Variants in CLIP1 observed in about 807,000 individuals in gnomAD.
CLIP1 encodes the protein CAP-Gly domain containing linker protein 1.
Under a neutral mutation model 161.6 loss-of-function variants are expected in CLIP1, and 66 were observed. That is an observed-to-expected ratio of 0.41 (90% CI 0.33 to 0.50). CLIP1 has a LOEUF of 0.50. Among genes scored for constraint, CLIP1 ranks in the 20% least tolerant of loss-of-function variants. The pLI is 0.27. For missense variants in CLIP1, 1,376 were observed against 1,702.0 expected, an observed-to-expected ratio of 0.81 and a Z score of 3.37; for synonymous variants, 598 against 626.2, an observed-to-expected ratio of 0.96 and a Z score of 0.67.
chr12:122,302,886 C>T (rs1593018572), intron 20 of CLIP1, among the ~76,000 whole-genome samples: 2 of 152,124 alleles, frequency 1.3e-5, no homozygotes, highest in African/African-American at 4.8e-5. Flanking sequence ...CTTGAGCCAC[C>T]GTGCCCAGCC....
intron 1 of CLIP1, among the ~76,000 whole-genome samples, chr12:122,408,836 T>C (rs1956422576): frequency 6.6e-6 from 1 of 152,060 alleles, no homozygotes; most frequent in South Asian, 2.1e-4. Context: ...TTATTATTTT[T>C]TTGAGATGGA....
chr12:122,341,668 T>A lies in CLIP1; in HGVS notation c.1536A>T (p.Ile512=), dbSNP rs768469663. 1.3e-6 allele frequency: 2 copies of A among 1,589,236 alleles called. No homozygotes were observed. Among genetic ancestry groups the A allele is most frequent in the Non-Finnish European group, 1.7e-6 (2 of 1,167,574 alleles). The change falls in exon 11 of 26, where the codon ATA becomes ATT. Residue 512 remains isoleucine, a synonymous_variant. Transcript: ENST00000620786. Reference sequence around the variant, plus strand: ...ATGCTAGGTCTTTCTCCAGTTCCATTATACGTGACTTTTCTGAAACTGTAG... The same window carrying A: ...ATGCTAGGTCTTTCTCCAGTTCCATAATACGTGACTTTTCTGAAACTGTAG... The part of the protein sequence containing the change: ...RVATVSEKSR[I]MELEKDLALR...
intron 17 of CLIP1, among the ~76,000 whole-genome samples, chr12:122,327,590 T>C (rs141346496): frequency 4.3e-4 from 66 of 151,830 alleles, no homozygotes; most frequent in African/African-American, 1.5e-3. Context: ...CTCCAAACCC[T>C]AGTGCAAGGC....
At position 122,366,566 on chromosome 12, in the gene CLIP1, T is replaced by A. The variant is rs1361163488; in HGVS notation, c.658-2459A>T. Reference sequence around the variant, plus strand: ...TTAAAATTATCCTTCCTAGGCTGGGTGCGGTGGCTCAGGTCTGTAATTCCA... The same window carrying A: ...TTAAAATTATCCTTCCTAGGCTGGGAGCGGTGGCTCAGGTCTGTAATTCCA... On this transcript the variant is annotated intron_variant, in intron 3 of 25. Transcript: ENST00000620786. 2.0e-5 allele frequency among the ~76,000 whole-genome samples: 3 copies of A among 152,250 alleles called. No homozygotes were observed. In the East Asian group the frequency reaches 5.8e-4, roughly 29 times the overall value.
At chr12:122,380,323 G>T in intron 2 of CLIP1, 45 bp downstream of exon 2, 1 of 1,145,808 alleles carries the variant, frequency 8.7e-7, no homozygotes, top group Non-Finnish European at 1.3e-6. Flanking sequence ...AAAGCAAATT[G>T]AAGTCTCCAT....
At chr12:122,285,865 T>TA (rs1207072517) in intron 21 of CLIP1, among the ~76,000 whole-genome samples, 1 of 151,208 alleles carries the variant, frequency 6.6e-6, no homozygotes, top group African/African-American at 2.4e-5. Context: ...GTTTTTTTTT[T>TA]AAAAAAGAAA....
rs570606717 is a variant in CLIP1 at position 122,311,580 on chromosome 12, G to A, written c.3474-1698C>T. Among the ~76,000 whole-genome samples the A allele has an allele frequency of 3.9e-5, 6 of 152,026 alleles. No homozygotes were observed. Among genetic ancestry groups the A allele is most frequent in the African/African-American group, 9.6e-5 (4 of 41,482 alleles). ...ACTGGGACTACAGGTGTCCGCCACC[G>A]CGCCCAGCCAATTTTTGTATTTTTA... On this transcript the variant is annotated intron_variant, in intron 19 of 25. Transcript: ENST00000620786. The surrounding 1 kb of genome is among the most constrained non-coding windows in gnomAD (Gnocchi z 4.3).
intron 20 of CLIP1, 137 bp downstream of exon 20, chr12:122,309,623 CAT>C: frequency 1.0e-6 from 1 of 974,046 alleles, no homozygotes; most frequent in Non-Finnish European, 1.5e-6. Flanking sequence ...CAAGGAGACA[CAT>C]AGCACAGGTA....
At chr12:122,364,877 A>C in intron 3 of CLIP1, 1 of 642,960 alleles carries the variant, frequency 1.6e-6, no homozygotes, top group South Asian at 1.4e-5. Flanking sequence ...CATATATGCA[A>C]ATCTATAAGA....
chr12:122,402,640 G>T (rs574898871), intron 1 of CLIP1, among the ~76,000 whole-genome samples: 107 of 152,250 alleles, frequency 7.0e-4, no homozygotes, highest in African/African-American at 2.6e-3. Context: ...GTCGGATGTG[G>T]TGGTGGGCAC....
intron 20 of CLIP1, among the ~76,000 whole-genome samples, chr12:122,299,915 CA>C (rs112291457): frequency 3.6e-4 from 49 of 137,062 alleles, no homozygotes; most frequent in Middle Eastern, 4.1e-3. Context: ...GACTCTGTCT[CA>C]AAAAAAAAAA....
chr12:122,399,612 G>A (rs1217063031), intron 1 of CLIP1: 1 of 152,088 alleles, frequency 6.6e-6, no homozygotes. Context: ...GGAGGCAAAG[G>A]AGAGTTGAAG....
At chr12:122,339,550 T>C (rs1032450585) in intron 11 of CLIP1, among the ~76,000 whole-genome samples, 4 of 152,118 alleles carry the variant, frequency 2.6e-5, no homozygotes, top group Non-Finnish European at 4.4e-5. Flanking sequence ...CTCAAACTCC[T>C]GACCTCAACT....
At chr12:122,334,483 G>C (rs1464321950) in intron 13 of CLIP1, among the ~76,000 whole-genome samples, 165 bp downstream of exon 13, 3 of 152,186 alleles carry the variant, frequency 2.0e-5, no homozygotes, top group Admixed American at 2.0e-4. Context: ...GGAGTTTGAG[G>C]CTTCAGGAAA....
intron 1 of CLIP1, among the ~76,000 whole-genome samples, chr12:122,417,882 T>C (rs1267095925): frequency 6.6e-6 from 1 of 152,158 alleles, no homozygotes; most frequent in African/African-American, 2.4e-5. Context: ...AAGTCTTCAA[T>C]GTCCTGCCTC....
chr12:122,321,242 C>T (rs924553813), intron 17 of CLIP1, among the ~76,000 whole-genome samples: 3 of 142,996 alleles, frequency 2.1e-5, no homozygotes, highest in Non-Finnish European at 3.1e-5. Flanking sequence ...CAATTTATTG[C>T]TTTTTTTTTT....
At chr12:122,422,054 G>A in intron 1 of CLIP1, among the ~76,000 whole-genome samples, 1 of 152,226 alleles carries the variant, frequency 6.6e-6, no homozygotes, top group African/African-American at 2.4e-5. Flanking sequence ...CGGGCGCCGG[G>A]CACCCGGGGC....
Position 122,290,387 on chromosome 12 carries a change from G to A in CLIP1, c.3595-1846C>T, listed in dbSNP as rs776451878. On this transcript the variant is annotated intron_variant, in intron 20 of 25. Coordinates refer to ENST00000620786, the MANE Select transcript of CLIP1 (RefSeq NM_001247997.2). ...AGAATGAAAGGAAGAAAAAAGAGTG[G>A]GAGGCAAACTTTAAAAAATGAAATG... Among the ~76,000 whole-genome samples, 20 of 152,052 alleles carry A rather than the reference G, an allele frequency of 1.3e-4. 1 individual carries two copies. Among genetic ancestry groups the A allele is most frequent in the Non-Finnish European group, 2.5e-4 (17 of 68,002 alleles).
Position 122,319,343 on chromosome 12 carries a change from A to G in CLIP1, c.3255T>C (p.Ala1085=), listed in dbSNP as rs201275758. The change falls in exon 18 of 26, where the codon GCT becomes GCC. Residue 1085 remains alanine, a synonymous_variant. Coordinates refer to ENST00000620786, the MANE Select transcript of CLIP1 (RefSeq NM_001247997.2). Reference sequence around the variant, plus strand: ...TCTGCATGGCATCTTCCGCTGTTTGAGCAGCCTAAATACAAGGAAACACTG... The same window carrying G: ...TCTGCATGGCATCTTCCGCTGTTTGGGCAGCCTAAATACAAGGAAACACTG... ...LRKQADKAKA[A]QTAEDAMQIM... The G allele has an allele frequency of 4.1e-5, 66 of 1,612,250 alleles. No individual in the cohort carries two copies. The Admixed American group carries it at 1.1e-3, about 27-fold the overall frequency.
Sources: allele counts gnomAD v4.1 joint callset (sites outside exome capture counted in the v4.1 genomes callset), GRCh38; gene constraint gnomAD v4.1.1; non-coding constraint Gnocchi (gnomAD v3.1); transcripts MANE v1.5; gene names NCBI Gene and HGNC (gene_info 2026-07-23, HGNC 2026-07-21).